The following PARD6G variants were observed in gnomAD, a reference collection of about 807,000 sequenced individuals.
The protein encoded by PARD6G is partitioning defective 6 homolog gamma.
Under a neutral mutation model 10.7 loss-of-function variants are expected in PARD6G, and 7 were observed. The ratio of observed to expected loss-of-function variants is 0.66; its 90% confidence interval spans 0.37 to 1.23. The LOEUF is 1.23. Ranked by LOEUF, PARD6G falls within the 50% of genes most tolerant of loss-of-function variation. PARD6G has a pLI of 0.02. For missense variants in PARD6G, 548 were observed against 571.8 expected (o/e 0.96, Z 0.42); for synonymous variants, 287 against 269.4 (o/e 1.07, Z -0.64).
chr18:80,190,188 A>T (rs1428849666), intron 2 of PARD6G, among the ~76,000 whole-genome samples: 1 of 152,184 alleles, frequency 6.6e-6, no homozygotes, highest in Non-Finnish European at 1.5e-5. Flanking sequence ...TTTCTGCTTA[A>T]TATCGTCAAG....
chr18:80,202,885 C>T lies in PARD6G; in HGVS notation c.120G>A (p.Gly40=), dbSNP rs761763055. The change falls in exon 2 of 3, where the codon GGG becomes GGA. Residue 40 remains glycine (G), a synonymous_variant. Coordinates refer to ENST00000353265, the MANE Select transcript of PARD6G (RefSeq NM_032510.4). The part of the protein sequence containing the change: ...RRFSLDRHKP[G]KFEDFYKLVV... ...CCAGCTTGTAGAAATCTTCAAACTT[C>T]CCAGGCTTATGACGGTCCAGAGAGA... 3 of 1,605,284 alleles carry T rather than the reference C, an allele frequency of 1.9e-6. No individual in the cohort carries two copies. Among genetic ancestry groups the T allele is most frequent in the East Asian group, 4.5e-5 (2 of 44,558 alleles).
chr18:80,214,327 TG>T (rs1355221142), intron 1 of PARD6G, among the ~76,000 whole-genome samples: 1 of 151,320 alleles, frequency 6.6e-6, no homozygotes, highest in Non-Finnish European at 1.5e-5. Flanking sequence ...TAGCCAGGTG[TG>T]GGGGGTGAGC....
At chr18:80,208,289 C>T (rs556225427) in intron 1 of PARD6G, among the ~76,000 whole-genome samples, 31 of 152,254 alleles carry the variant, frequency 2.0e-4, no homozygotes, top group Admixed American at 4.6e-4. Context: ...ATATCATCCC[C>T]TTTTATAGTG....
Position 80,247,265 on chromosome 18 carries a change from C to A in PARD6G, c.72+12G>T. ...CTGGGCGCAGGGCCGCCGGGGCGGG[C>A]GGGGGGCTTACCTTGCTCTTGACTT... On this transcript the variant is annotated intron_variant, in intron 1 of 2. Coordinates refer to ENST00000353265, the MANE Select transcript of PARD6G (RefSeq NM_032510.4). The surrounding 1 kb of genome is among the most constrained non-coding windows in gnomAD (Gnocchi z 4.2). 1 of 1,570,170 alleles carries A rather than the reference C, an allele frequency of 6.4e-7. No individual in the cohort carries two copies. The highest frequency in any genetic ancestry group is 1.1e-5 in the South Asian group (1 of 87,008).
At chr18:80,240,187 G>C (rs2145307863) in intron 1 of PARD6G, among the ~76,000 whole-genome samples, 1 of 152,292 alleles carries the variant, frequency 6.6e-6, no homozygotes, top group East Asian at 1.9e-4. Flanking sequence ...TCAACATGAG[G>C]TTTTGATGGT....
intron 1 of PARD6G, among the ~76,000 whole-genome samples, chr18:80,220,681 G>C (rs937767353): frequency 6.6e-6 from 1 of 151,756 alleles, no homozygotes; most frequent in Non-Finnish European, 1.5e-5. Context: ...CATAATCTTG[G>C]TTCACTGCAA....
In PARD6G at chr18:80,189,861, C is replaced by T. The variant is rs1966883072; in HGVS notation, c.295+12849G>A. 6.6e-6 allele frequency among the ~76,000 whole-genome samples: 1 copy of T among 152,168 alleles called. No individual in the cohort carries two copies. The highest frequency in any genetic ancestry group is 1.5e-5 in the Non-Finnish European group (1 of 68,030). ...TACTGCTGTCAGAAGAATTTTTAAA[C>T]AGCTGGTTTGAAATACCATGTAGGA... On this transcript the variant is annotated intron_variant, in intron 2 of 2. Transcript: ENST00000353265. This position sits in a 1 kb window ranked among gnomAD's most constrained non-coding sequence, Gnocchi z 5.5.
Position 80,160,482 on chromosome 18 carries a change from G to C in PARD6G, c.420C>G (p.Phe140Leu). ...CATCGATGATGGATGATACGGGGCG[G>C]AAGTCGCGCGGGAGGCCGATGTCCA... ...AHLDIGLPRDFRPVSSIIDVD... is the reference protein window; with the variant it reads ...AHLDIGLPRDLRPVSSIIDVD... Residue 140 changes from phenylalanine (F) to leucine (L), a missense_variant, in exon 3 of 3, where the codon TTC (phenylalanine) becomes TTG (leucine). Around this residue, in one of 2 missense-constraint regions of PARD6G, gnomAD observed 235 missense variants for 291.9 expected, o/e 0.81. Coordinates refer to ENST00000353265, the MANE Select transcript of PARD6G (RefSeq NM_032510.4). The C allele has an allele frequency of 6.4e-7, 1 of 1,554,578 alleles. No individual in the cohort carries two copies. Among genetic ancestry groups the C allele is most frequent in the Admixed American group, 1.9e-5 (1 of 53,526 alleles).
rs1599854301 is a variant in PARD6G, at chr18:80,184,738, A to G, written c.295+17972T>C. 1 of 150,118 alleles carries G rather than the reference A, an allele frequency of 6.7e-6. No individual in the cohort carries two copies. Among genetic ancestry groups the G allele is most frequent in the Non-Finnish European group, 1.5e-5 (1 of 67,498 alleles). 9.3% of individuals were successfully genotyped at this position (150,118 alleles called of 1,614,324 possible). Reference sequence around the variant, plus strand: ...TCCTTTCACGTGAAATTTCCAGAACAGGGAAATGCAGAGCGACAGAAAGCA... The same window carrying G: ...TCCTTTCACGTGAAATTTCCAGAACGGGGAAATGCAGAGCGACAGAAAGCA... On this transcript the variant is annotated intron_variant, in intron 2 of 2. Transcript: ENST00000353265. This position sits in a 1 kb window ranked among gnomAD's most constrained non-coding sequence, Gnocchi z 4.5.
rs573438819 is a variant in PARD6G, at chr18:80,228,010, G to A, written c.72+19267C>T. Among the ~76,000 whole-genome samples the A allele has an allele frequency of 1.3e-5, 2 of 152,102 alleles. No homozygotes were observed. Among genetic ancestry groups the A allele is most frequent in the Non-Finnish European group, 2.9e-5 (2 of 68,026 alleles). On this transcript the variant is annotated intron_variant, in intron 1 of 2. Transcript: ENST00000353265. The surrounding 1 kb of genome is among the most constrained non-coding windows in gnomAD (Gnocchi z 4.6). ...AGGTAGAAACTTACTCATTGAACCC[G>A]TATTTTCCTGTGCTGGGCTGAACGG...
chr18:80,184,323 TTGTA>T lies in PARD6G; in HGVS notation c.295+18383_295+18386del, dbSNP rs1656298166. On this transcript the variant is annotated intron_variant, in intron 2 of 2. Coordinates refer to ENST00000353265, the MANE Select transcript of PARD6G (RefSeq NM_032510.4). This position sits in a 1 kb window ranked among gnomAD's most constrained non-coding sequence, Gnocchi z 4.5. ...TGAATCCAGGTGACCTCACAGAAACTTGTATGTGAGCATTCGCAGCGGCATCATT... is the reference window on the plus strand; with the variant it reads ...TGAATCCAGGTGACCTCACAGAAACTTGTGAGCATTCGCAGCGGCATCATT... The T allele has an allele frequency of 2.0e-5, 3 of 152,192 alleles. No homozygotes were observed. Among genetic ancestry groups the T allele is most frequent in the South Asian group, 4.1e-4 (2 of 4,826 alleles). The allele number at this position is 152,192 out of a possible 1,614,324, so 9.4% of individuals were successfully genotyped here. A position where few individuals can be genotyped will look rare whatever the true frequency, so the allele number is the denominator to read the frequency against.
chr18:80,204,284 G>C (rs1160571029), intron 1 of PARD6G, among the ~76,000 whole-genome samples: 1 of 152,142 alleles, frequency 6.6e-6, no homozygotes, highest in Non-Finnish European at 1.5e-5. Context: ...GTCAGGGAAG[G>C]TCATCTAAGA....
chr18:80,191,666 G>A (rs556928994), intron 2 of PARD6G, among the ~76,000 whole-genome samples: 2 of 152,198 alleles, frequency 1.3e-5, no homozygotes, highest in African/African-American at 4.8e-5. Flanking sequence ...AAGTCTACAA[G>A]GGCATATGCC....
chr18:80,239,409 C>T (rs988221501), intron 1 of PARD6G, among the ~76,000 whole-genome samples: 12 of 151,958 alleles, frequency 7.9e-5, no homozygotes, highest in African/African-American at 2.7e-4. Flanking sequence ...TCATCTTGGG[C>T]CACACATAAA....
chr18:80,217,948 C>A (rs991415077), intron 1 of PARD6G, among the ~76,000 whole-genome samples: 18 of 152,148 alleles, frequency 1.2e-4, no homozygotes, highest in African/African-American at 4.3e-4. Context: ...GAGCCCCTTA[C>A]AAAACCATCA....
At chr18:80,211,410 G>A (rs1378831972) in intron 1 of PARD6G, among the ~76,000 whole-genome samples, 1 of 152,180 alleles carries the variant, frequency 6.6e-6, no homozygotes, top group Admixed American at 6.5e-5. Flanking sequence ...AAGCAAAATA[G>A]TAAGTGTTGG....
chr18:80,232,595 A>G (rs1215071594), intron 1 of PARD6G, among the ~76,000 whole-genome samples: 1 of 152,116 alleles, frequency 6.6e-6, no homozygotes, highest in Non-Finnish European at 1.5e-5. Context: ...AATGTGGGGG[A>G]AACTGCCCCC....
Position 80,231,932 on chromosome 18 carries a change from A to G in PARD6G, c.72+15345T>C, listed in dbSNP as rs1456986627. 6.6e-6 allele frequency among the ~76,000 whole-genome samples: 1 copy of G among 152,168 alleles called. No individual in the cohort carries two copies. Among genetic ancestry groups the G allele is most frequent in the African/African-American group, 2.4e-5 (1 of 41,432 alleles). On this transcript the variant is annotated intron_variant, in intron 1 of 2. Coordinates refer to ENST00000353265, the MANE Select transcript of PARD6G (RefSeq NM_032510.4). This position sits in a 1 kb window ranked among gnomAD's most constrained non-coding sequence, Gnocchi z 4.2. ...GATAGTAAGCCTGTTTTGGGCTCAC[A>G]CTGTGGGCCTGAGCTGCTGGCAGAT... is the stretch of plus-strand genomic sequence containing the variant.
intron 1 of PARD6G, among the ~76,000 whole-genome samples, chr18:80,236,017 C>T (rs1272598720): frequency 6.6e-6 from 1 of 152,150 alleles, no homozygotes; most frequent in East Asian, 1.9e-4. Flanking sequence ...CAGCATCATC[C>T]TGATACCAAA....
Sources: gnomAD v4.1 joint callset for allele counts (sites outside exome capture counted in the v4.1 genomes callset) on GRCh38, gnomAD v4.1.1 for gene constraint, gnomAD v4.1.1 regional missense constraint, Gnocchi (gnomAD v3.1) non-coding constraint, MANE v1.5 for transcripts, NCBI Gene and HGNC (gene_info 2026-07-23, HGNC 2026-07-21) for gene names.